COL19A1: variants seen among roughly 807,000 people sequenced by gnomAD.
COL19A1 encodes the protein collagen alpha-1(XIX) chain.
COL19A1 carries 159 observed loss-of-function variants against 190.2 expected under a neutral mutation model. The ratio of observed to expected loss-of-function variants is 0.84; its 90% CI spans 0.73 to 0.95. COL19A1 has a LOEUF of 0.95. Among genes scored for constraint, COL19A1 ranks in the 40% least tolerant of loss-of-function variants. COL19A1 has a pLI of 0.00. For synonymous variants in COL19A1, 509 were observed against 458.9 expected, an observed-to-expected ratio of 1.11 and a Z score of -1.39; for missense variants, 1,418 against 1,431.9, an observed-to-expected ratio of 0.99 and a Z score of 0.16.
chr6:69,954,851 T>C (rs1774318543), intron 9 of COL19A1, among the ~76,000 whole-genome samples: 1 of 152,042 alleles, frequency 6.6e-6, no homozygotes, highest in African/African-American at 2.4e-5. Context: ...TAAGGTCCAG[T>C]AGAAGTAATT....
chr6:69,908,201 G>A (rs879607345), intron 4 of COL19A1, among the ~76,000 whole-genome samples: 2 of 152,232 alleles, frequency 1.3e-5, no homozygotes, highest in Non-Finnish European at 2.9e-5. Flanking sequence ...TTCAGAGGCT[G>A]AAAACTTGTT....
At chr6:69,988,333 A>G (rs536573940) in intron 11 of COL19A1, among the ~76,000 whole-genome samples, 75 of 152,182 alleles carry the variant, frequency 4.9e-4, no homozygotes, top group Non-Finnish European at 3.2e-4. Flanking sequence ...TATAGGCCAA[A>G]AGATAAGCAT....
intron 23 of COL19A1, among the ~76,000 whole-genome samples, chr6:70,143,341 C>T (rs1786386520): frequency 6.6e-6 from 1 of 152,124 alleles, no homozygotes; most frequent in South Asian, 2.1e-4. Context: ...TTAAAATACT[C>T]AATACACCTT....
intron 18 of COL19A1, among the ~76,000 whole-genome samples, chr6:70,134,044 G>T (rs1049844246): frequency 6.6e-6 from 1 of 152,092 alleles, no homozygotes; most frequent in Non-Finnish European, 1.5e-5. Flanking sequence ...ACAAGCAATT[G>T]CTAGACTCCT....
chr6:69,985,298 T>A (rs1776252999), intron 11 of COL19A1, among the ~76,000 whole-genome samples: 1 of 152,212 alleles, frequency 6.6e-6, no homozygotes, highest in Admixed American at 6.5e-5. Context: ...AGAGAATCAG[T>A]TGAAAATGAC....
intron 31 of COL19A1, among the ~76,000 whole-genome samples, chr6:70,152,045 C>T (rs2150247474): frequency 6.6e-6 from 1 of 151,850 alleles, no homozygotes; most frequent in South Asian, 2.1e-4. Flanking sequence ...TCTAACACTT[C>T]CCTGTATTTT....
chr6:69,939,754 T>C (rs1197652451), intron 9 of COL19A1, among the ~76,000 whole-genome samples: 5 of 152,124 alleles, frequency 3.3e-5, no homozygotes, highest in Admixed American at 1.3e-4. Context: ...AGTGGAAAGA[T>C]CTCTGAGTTA....
intron 46 of COL19A1, among the ~76,000 whole-genome samples, chr6:70,185,968 C>G (rs1766487211): frequency 6.6e-6 from 1 of 152,116 alleles, no homozygotes; most frequent in African/African-American, 2.4e-5. Flanking sequence ...ATTTCCATCT[C>G]TCTCACTCTA....
At chr6:69,873,801 A>G (rs954467581) in intron 1 of COL19A1, among the ~76,000 whole-genome samples, 1 of 152,172 alleles carries the variant, frequency 6.6e-6, no homozygotes, top group African/African-American at 2.4e-5. Context: ...CATAGCACCA[A>G]TATTCTCCAT....
At chr6:70,071,794 G>T (rs1781573393) in intron 15 of COL19A1, among the ~76,000 whole-genome samples, 1 of 152,058 alleles carries the variant, frequency 6.6e-6, no homozygotes, top group African/African-American at 2.4e-5. Context: ...AATCCATCAT[G>T]AGGCAGAAAA....
At chr6:70,118,368 C>G (rs759269700) in intron 16 of COL19A1, among the ~76,000 whole-genome samples, 5 of 152,160 alleles carry the variant, frequency 3.3e-5, no homozygotes, top group Admixed American at 6.5e-5. Flanking sequence ...TTAGAGCAAC[C>G]AAGTGAGACA....
chr6:69,913,157 C>A (rs531288464), intron 4 of COL19A1, among the ~76,000 whole-genome samples: 1 of 152,258 alleles, frequency 6.6e-6, no homozygotes, highest in Non-Finnish European at 1.5e-5. Context: ...TTGCCTCTCT[C>A]TTCTGATTTA....
chr6:70,107,768 A>G (rs1023048134), intron 16 of COL19A1, among the ~76,000 whole-genome samples: 6 of 152,216 alleles, frequency 3.9e-5, no homozygotes, highest in Non-Finnish European at 8.8e-5. Flanking sequence ...TTAGGTAACA[A>G]TAACAACCAG....
chr6:69,919,860 T>A (rs1016397237), intron 4 of COL19A1, among the ~76,000 whole-genome samples: 1 of 152,106 alleles, frequency 6.6e-6, no homozygotes, highest in African/African-American at 2.4e-5. Flanking sequence ...AGGCTATAGG[T>A]TGGGAGTTCT....
At position 69,932,882 on chromosome 6, in the gene COL19A1, C is replaced by T. The variant is rs761098573; in HGVS notation, c.747+19C>T. 6.6e-6 allele frequency: 10 copies of T among 1,517,654 alleles called. No individual in the cohort carries two copies. Among genetic ancestry groups the T allele is most frequent in the Middle Eastern group, 3.4e-4 (2 of 5,880 alleles). 94.0% of individuals were successfully genotyped at this position (1,517,654 alleles called of 1,614,324 possible). Reference sequence around the variant, plus strand: ...TACTAAGGTAAGTTAATTTTCTTTGCATATGAAGAATGAAGAACGCCAATT... The same window carrying T: ...TACTAAGGTAAGTTAATTTTCTTTGTATATGAAGAATGAAGAACGCCAATT... On this transcript the variant is annotated intron_variant, in intron 7 of 50. Coordinates refer to ENST00000620364, the MANE Select transcript of COL19A1 (RefSeq NM_001858.6).
intron 11 of COL19A1, among the ~76,000 whole-genome samples, chr6:69,992,251 G>A (rs751508880): frequency 6.6e-6 from 1 of 151,932 alleles, no homozygotes; most frequent in Non-Finnish European, 1.5e-5. Flanking sequence ...TGTTCCGTTG[G>A]TCTATGTGCT....
intron 48 of COL19A1, among the ~76,000 whole-genome samples, chr6:70,197,907 GC>G (rs1163787575): frequency 1.3e-5 from 2 of 152,148 alleles, no homozygotes; most frequent in Non-Finnish European, 2.9e-5. Flanking sequence ...AGCTATTGGG[GC>G]TTTTCTCTTA....
chr6:69,874,357 C>A (rs1484384451), intron 1 of COL19A1, among the ~76,000 whole-genome samples: 2 of 152,180 alleles, frequency 1.3e-5, no homozygotes, highest in East Asian at 3.9e-4. Context: ...ATTTTGAGAG[C>A]TTGATGAAAA....
chr6:69,934,706 CTA>C (rs2150018039), intron 7 of COL19A1, among the ~76,000 whole-genome samples: 1 of 151,784 alleles, frequency 6.6e-6, no homozygotes, highest in East Asian at 1.9e-4. Flanking sequence ...TTATCTCTGA[CTA>C]TGGAAAAAAT....
Sources: gnomAD v4.1 joint callset for allele counts (sites outside exome capture counted in the v4.1 genomes callset) on GRCh38, gnomAD v4.1.1 for gene constraint, MANE v1.5 for transcripts, NCBI Gene and HGNC (gene_info 2026-07-23, HGNC 2026-07-21) for gene names.